Variants in GPC5 observed in about 807,000 individuals in gnomAD.
GPC5 encodes the protein glypican 5.
A neutral mutation model predicts 53.9 loss-of-function variants in GPC5; 47 were observed. That is an observed-to-expected ratio of 0.87 (90% CI 0.69 to 1.11). GPC5 has a LOEUF of 1.11. Among genes scored for constraint, GPC5 ranks in the 50% most tolerant of loss-of-function variants. The pLI is 0.00. For missense variants in GPC5, 748 were observed against 713.1 expected, an observed-to-expected ratio of 1.05 and a Z score of -0.56; for synonymous variants, 286 against 263.3, an observed-to-expected ratio of 1.09 and a Z score of -0.84.
intron 2 of GPC5, among the ~76,000 whole-genome samples, chr13:91,458,934 T>C (rs1011917597): frequency 2.0e-5 from 3 of 152,106 alleles, no homozygotes; most frequent in African/African-American, 7.2e-5. Flanking sequence ...TTGGAGACCA[T>C]TTTTCTAAGT....
At chr13:92,666,364 T>G (rs1006198182) in intron 7 of GPC5, among the ~76,000 whole-genome samples, 4 of 152,132 alleles carry the variant, frequency 2.6e-5, no homozygotes, top group African/African-American at 9.7e-5. Flanking sequence ...GTTAAGAAAC[T>G]GGAGTAAATA....
chr13:92,847,363 G>C (rs551435245), intron 7 of GPC5, among the ~76,000 whole-genome samples: 1 of 152,074 alleles, frequency 6.6e-6, no homozygotes, highest in African/African-American at 2.4e-5. Context: ...TTGTGTCCTC[G>C]CCCAAATCTC....
At chr13:91,718,407 G>A (rs1488476694) in intron 3 of GPC5, among the ~76,000 whole-genome samples, 2 of 151,400 alleles carry the variant, frequency 1.3e-5, no homozygotes, top group Admixed American at 6.6e-5. Context: ...ACTGAGCCTG[G>A]CCACTTTCCC....
chr13:91,636,166 A>G (rs1292547643), intron 2 of GPC5, among the ~76,000 whole-genome samples: 1 of 152,018 alleles, frequency 6.6e-6, no homozygotes, highest in Non-Finnish European at 1.5e-5. Flanking sequence ...CTTCAATTTT[A>G]TTGTTTAAAA....
chr13:91,888,813 C>T (rs1000776848), intron 5 of GPC5, among the ~76,000 whole-genome samples: 3 of 151,958 alleles, frequency 2.0e-5, no homozygotes, highest in African/African-American at 7.3e-5. Context: ...AAGGATTCCT[C>T]AATAGAGAAG....
At chr13:92,439,124 A>G (rs769877679) in intron 7 of GPC5, among the ~76,000 whole-genome samples, 1 of 152,162 alleles carries the variant, frequency 6.6e-6, no homozygotes, top group Non-Finnish European at 1.5e-5. Flanking sequence ...AGAAGAGAAG[A>G]CAATCTAAGA....
intron 7 of GPC5, among the ~76,000 whole-genome samples, chr13:92,325,351 G>T (rs532766417): frequency 4.1e-4 from 63 of 152,020 alleles, no homozygotes; most frequent in Middle Eastern, 3.2e-3. Context: ...CATGGAGATT[G>T]TAATATCATT....
chr13:92,261,590 T>C (rs2042767568), intron 7 of GPC5, among the ~76,000 whole-genome samples: 1 of 152,054 alleles, frequency 6.6e-6, no homozygotes, highest in Non-Finnish European at 1.5e-5. Context: ...AAAGAAATGA[T>C]TAAGAGAGAG....
At chr13:92,352,845 G>T (rs577167141) in intron 7 of GPC5, among the ~76,000 whole-genome samples, 1 of 152,228 alleles carries the variant, frequency 6.6e-6, no homozygotes, top group South Asian at 2.1e-4. Context: ...GCCATATTTG[G>T]TATATATCCA....
chr13:92,791,823 A>AT (rs1216299759), intron 7 of GPC5, among the ~76,000 whole-genome samples: 2 of 152,054 alleles, frequency 1.3e-5, no homozygotes, highest in African/African-American at 2.4e-5. Context: ...CTACATTATT[A>AT]TTTTTTTAAA....
chr13:92,509,548 T>C (rs1880490979), intron 7 of GPC5: 1 of 152,154 alleles, frequency 6.6e-6, no homozygotes, highest in African/African-American at 2.4e-5. Flanking sequence ...GGAGACATTC[T>C]ACAAATGTGT....
chr13:91,950,672 G>A (rs1180489878), intron 6 of GPC5, among the ~76,000 whole-genome samples: 2 of 152,176 alleles, frequency 1.3e-5, no homozygotes, highest in East Asian at 3.9e-4. Context: ...TCAGCGCAGT[G>A]TCAGTATCTA....
chr13:92,782,003 T>C (rs947247219), intron 7 of GPC5, among the ~76,000 whole-genome samples: 3 of 151,548 alleles, frequency 2.0e-5, no homozygotes, highest in African/African-American at 7.3e-5. Flanking sequence ...GTGAATGGCA[T>C]TCTGGCCCAT....
At chr13:91,963,524 A>G (rs1307800749) in intron 6 of GPC5, among the ~76,000 whole-genome samples, 2 of 152,202 alleles carry the variant, frequency 1.3e-5, no homozygotes, top group East Asian at 3.8e-4. Flanking sequence ...CAACCTTGGT[A>G]TCTATTGTTG....
At chr13:92,471,627 T>A (rs1878914244) in intron 7 of GPC5, among the ~76,000 whole-genome samples, 1 of 152,070 alleles carries the variant, frequency 6.6e-6, no homozygotes, top group Admixed American at 6.6e-5. Context: ...TAAATACACA[T>A]ATACATATAT....
At chr13:92,007,465 A>C (rs1481330558) in intron 6 of GPC5, among the ~76,000 whole-genome samples, 1 of 152,192 alleles carries the variant, frequency 6.6e-6, no homozygotes, top group Non-Finnish European at 1.5e-5. Context: ...TTTTGTCATT[A>C]TAAAGAGTCT....
At chr13:92,677,886 G>A (rs1566359443) in intron 7 of GPC5, among the ~76,000 whole-genome samples, 2 of 152,018 alleles carry the variant, frequency 1.3e-5, no homozygotes, top group African/African-American at 2.4e-5. Context: ...CAGCTCGGTG[G>A]GTCCCATAGG....
chr13:92,484,093 A>C (rs1188868290), intron 7 of GPC5, among the ~76,000 whole-genome samples: 1 of 152,100 alleles, frequency 6.6e-6, no homozygotes, highest in African/African-American at 2.4e-5. Flanking sequence ...AGCCATGATC[A>C]CTCCACTGCC....
chr13:92,751,300 ATT>A (rs370232286), intron 7 of GPC5, among the ~76,000 whole-genome samples: 3 of 96,204 alleles, frequency 3.1e-5, no homozygotes, highest in Non-Finnish European at 6.5e-5. Context: ...ATCCAGAAAC[ATT>A]TAAAAAAAAA....
Sources: allele counts gnomAD v4.1 joint callset (sites outside exome capture counted in the v4.1 genomes callset), GRCh38; gene constraint gnomAD v4.1.1; transcripts MANE v1.5; gene names NCBI Gene and HGNC (gene_info 2026-07-23, HGNC 2026-07-21).